Variants in SAP130 observed in about 807,000 individuals in gnomAD.
The protein encoded by SAP130 is Sin3A associated protein 130.
Under a neutral mutation model 103.2 loss-of-function variants are expected in SAP130, and 16 were observed. The observed-to-expected ratio is 0.16, with a 90% CI of 0.10 to 0.24. The LOEUF is 0.24. SAP130 is among the 10% of genes least tolerant of loss of function. SAP130 has a pLI of 1.00. For missense variants in SAP130, 990 were observed against 1,359.7 expected (o/e 0.73, Z 4.28); for synonymous variants, 477 against 497.0 (o/e 0.96, Z 0.53).
intron 2 of SAP130, among the ~76,000 whole-genome samples, chr2:128,021,105 T>A (rs1685121675): frequency 6.6e-6 from 1 of 152,122 alleles, no homozygotes; most frequent in Non-Finnish European, 1.5e-5. Flanking sequence ...AACAATCTTG[T>A]CCAATGATCT....
intron 1 of SAP130, among the ~76,000 whole-genome samples, chr2:128,026,709 AG>A (rs2105273648): frequency 6.6e-6 from 1 of 152,394 alleles, no homozygotes; most frequent in East Asian, 1.9e-4. Context: ...AGTATGTCAT[AG>A]GAACATTCGG....
At chr2:127,976,447 C>A (rs963589024) in intron 15 of SAP130, among the ~76,000 whole-genome samples, 2 of 152,200 alleles carry the variant, frequency 1.3e-5, no homozygotes, top group Admixed American at 6.5e-5. Flanking sequence ...TGCTCTATAG[C>A]CCCACATCCT....
rs186430879 is a variant in SAP130 at position 127,996,041 on chromosome 2, G to A, written c.1355+309C>T. 7.2e-5 allele frequency among the ~76,000 whole-genome samples: 11 copies of A among 152,086 alleles called. No individual in the cohort carries two copies. Among genetic ancestry groups the A allele is most frequent in the Non-Finnish European group, 1.2e-4 (8 of 67,990 alleles). ...CATCAAAGAATGTCTTTACTCTTCC[G>A]TGCTACAAATGGAGGTACTTACGGA... On this transcript the variant is annotated intron_variant, in intron 11 of 20. Transcript: ENST00000643581. The surrounding 1 kb of genome is among the most constrained non-coding windows in gnomAD (Gnocchi z 4.3).
chr2:127,949,101 G>A (rs1232412524), intron 18 of SAP130, among the ~76,000 whole-genome samples: 1 of 152,098 alleles, frequency 6.6e-6, no homozygotes, highest in African/African-American at 2.4e-5. Context: ...CTGTTAGCAT[G>A]TCCACCTCTG....
chr2:128,000,223 G>T, intron 8 of SAP130, 77 bp from the exon 9 acceptor site: 1 of 1,605,320 alleles, frequency 6.2e-7, no homozygotes, highest in Non-Finnish European at 8.5e-7. Context: ...AATGCCTTCG[G>T]TATCACCAGG....
intron 18 of SAP130, 65 bp from the exon 19 acceptor site, chr2:127,945,624 G>T: frequency 1.9e-6 from 2 of 1,026,158 alleles, no homozygotes; most frequent in Non-Finnish European, 3.1e-6. Flanking sequence ...ATTTGTGTTC[G>T]AGCAGTGTAA....
At chr2:128,005,371 C>G (rs1175491580) in intron 7 of SAP130, among the ~76,000 whole-genome samples, 2 of 152,122 alleles carry the variant, frequency 1.3e-5, no homozygotes, top group African/African-American at 4.8e-5. Context: ...AATCCCAACA[C>G]TCTGGAAGGC....
At position 128,018,483 on chromosome 2, in the gene SAP130, C is replaced by CAAAAAAAAAAAAAAA. The variant is rs759445928; in HGVS notation, c.113-583_113-569dup. 2.3e-3 allele frequency among the ~76,000 whole-genome samples: 159 copies of CAAAAAAAAAAAAAAA among 69,474 alleles called. 9 individuals carry two copies. Among genetic ancestry groups the CAAAAAAAAAAAAAAA allele is most frequent in the African/African-American group, 0.01 (153 of 15,298 alleles). The allele number at this position is 69,474 out of a possible 152,430, so 45.6% of individuals were successfully genotyped here. A position where few individuals can be genotyped will look rare whatever the true frequency, so the allele number is the denominator to read the frequency against. ...CTGGGCGAGAGAGGAAGATTGTCTCCAAAAAAAAAAAAAAAAAAAAAAAGG... is the reference window on the plus strand; with the variant it reads ...CTGGGCGAGAGAGGAAGATTGTCTCCAAAAAAAAAAAAAAAAAAAAAAAAAAAAAAAAAAAAAAGG... On this transcript the variant is annotated intron_variant, in intron 2 of 20. Transcript: ENST00000643581.
rs1472083461 is a variant in SAP130, at chr2:127,941,889, G to A, written c.*117C>T. On this transcript the variant is annotated 3_prime_UTR_variant, in exon 21 of 21. Transcript: ENST00000643581. ...CATGGGTTCCTCTGCTTTCACACGG[G>A]AACTAAGGAACACTTCCTTTATTTC... 3.2e-6 allele frequency: 3 copies of A among 930,246 alleles called. No individual in the cohort carries two copies. The highest frequency in any genetic ancestry group is 3.3e-6 in the Non-Finnish European group (2 of 600,834). The allele number at this position is 930,246 out of a possible 1,614,324, so 57.6% of individuals were successfully genotyped here.
rs1679619928 is a variant in SAP130, at chr2:127,953,395, T to A, written c.2422+1591A>T. On this transcript the variant is annotated intron_variant, in intron 16 of 20. Transcript: ENST00000643581. The surrounding 1 kb of genome is among the most constrained non-coding windows in gnomAD (Gnocchi z 4.0). The stretch of plus-strand genomic sequence containing the variant: ...CGCTTGACAGGTCTCCCCGATTCCA[T>A]CCCTGTTCCCAGAGTCTGTTCTTTC... Among the ~76,000 whole-genome samples the A allele has an allele frequency of 6.6e-6, 1 of 152,196 alleles. No homozygotes were observed. The highest frequency in any genetic ancestry group is 2.4e-5 in the African/African-American group (1 of 41,450).
intron 15 of SAP130, among the ~76,000 whole-genome samples, chr2:127,972,854 A>G (rs2461446): frequency 0.82 from 125,432 of 152,048 alleles, 52,299 homozygotes; most frequent in Middle Eastern, 0.88. Context: ...GGATCCTTGC[A>G]CCCAGGAGTT....
Position 127,941,915 on chromosome 2 carries a change from A to C in SAP130, c.*91T>G. 8.0e-6 allele frequency: 7 copies of C among 870,022 alleles called. No homozygotes were observed. Among genetic ancestry groups the C allele is most frequent in the Non-Finnish European group, 1.1e-5 (6 of 549,994 alleles). The allele number at this position is 870,022 out of a possible 1,614,324, so 53.9% of individuals were successfully genotyped here. ...AACTAAGGAACACTTCCTTTATTTCAATGTTCCACTTTGGAAAAAACCAAA... is the reference window on the plus strand; with the variant it reads ...AACTAAGGAACACTTCCTTTATTTCCATGTTCCACTTTGGAAAAAACCAAA... On this transcript the variant is annotated 3_prime_UTR_variant, in exon 21 of 21. Coordinates refer to ENST00000643581, the MANE Select transcript of SAP130 (RefSeq NM_001330301.2).
intron 2 of SAP130, among the ~76,000 whole-genome samples, chr2:128,018,634 A>G (rs1433498120): frequency 2.0e-5 from 3 of 152,002 alleles, no homozygotes; most frequent in African/African-American, 7.3e-5. Context: ...TCTGCAAAAA[A>G]TTTTAAAATT....
intron 6 of SAP130, among the ~76,000 whole-genome samples, chr2:128,010,778 C>T (rs890806567): frequency 2.0e-5 from 3 of 151,734 alleles, no homozygotes; most frequent in Non-Finnish European, 2.9e-5. Context: ...GCAGGAGAAT[C>T]GCTTGAACCT....
intron 15 of SAP130, among the ~76,000 whole-genome samples, chr2:127,970,031 C>T (rs1291948548): frequency 1.3e-5 from 2 of 151,826 alleles, no homozygotes; most frequent in East Asian, 1.9e-4. Flanking sequence ...AGATCGAGAC[C>T]ATCCTGGCCA....
chr2:128,011,958 A>T (rs559511232), intron 6 of SAP130, among the ~76,000 whole-genome samples: 1 of 152,238 alleles, frequency 6.6e-6, no homozygotes, highest in East Asian at 1.9e-4. Context: ...GATTACAGGC[A>T]CGCACCACCA....
At chr2:127,957,180 T>C (rs2104772841) in intron 15 of SAP130, among the ~76,000 whole-genome samples, 1 of 152,186 alleles carries the variant, frequency 6.6e-6, no homozygotes, top group South Asian at 2.1e-4. Flanking sequence ...CATACACCTG[T>C]AGTTCCAGCT....
intron 13 of SAP130, among the ~76,000 whole-genome samples, chr2:127,988,429 T>TTA (rs372583035): frequency 7.9e-5 from 10 of 126,290 alleles, no homozygotes; most frequent in Non-Finnish European, 1.3e-4. Context: ...CTTGTCTTTT[T>TTA]AAAAAAAAAA....
At chr2:127,946,232 C>T (rs986142677) in intron 18 of SAP130, among the ~76,000 whole-genome samples, 7 of 152,034 alleles carry the variant, frequency 4.6e-5, no homozygotes, top group African/African-American at 1.7e-4. Context: ...GAAGTTCAAA[C>T]CTAAAGGTGC....
Sources: allele counts gnomAD v4.1 joint callset (sites outside exome capture counted in the v4.1 genomes callset), GRCh38; gene constraint gnomAD v4.1.1; non-coding constraint Gnocchi (gnomAD v3.1); transcripts MANE v1.5; gene names NCBI Gene and HGNC (gene_info 2026-07-23, HGNC 2026-07-21).